PCDHA3: variants seen among roughly 807,000 people sequenced by gnomAD.
PCDHA3 encodes the protein protocadherin alpha-3.
In PCDHA3, 41 loss-of-function variants were observed where a neutral mutation model predicts 62.2. The ratio of observed to expected loss-of-function variants is 0.66; its 90% confidence interval spans 0.51 to 0.86. PCDHA3 has a LOEUF of 0.86. PCDHA3 is among the 40% of genes least tolerant of loss of function. PCDHA3 has a pLI of 0.00. For synonymous variants in PCDHA3, 640 were observed against 555.4 expected (o/e 1.15, Z -2.14); for missense variants, 1,304 against 1,241.2 (o/e 1.05, Z -0.76).
intron 1 of PCDHA3, chr5:140,835,818 G>A: frequency 6.2e-7 from 1 of 1,612,692 alleles, no homozygotes; most frequent in Non-Finnish European, 8.5e-7. Flanking sequence ...CACTGTGTCG[G>A]CGGGGGACGC....
In PCDHA3 at chr5:140,841,946, C is replaced by T. The variant is rs2150326253; in HGVS notation, c.2394+38355C>T. 2.0e-5 allele frequency: 32 copies of T among 1,613,790 alleles called. No homozygotes were observed. The Admixed American group carries it at 5.3e-4, about 27-fold the overall frequency. Reference sequence around the variant, plus strand: ...GGACAGAGAGGACGCTCCTGCGCACCACTTATTCCTGACAGCCACAGATGG... The same window carrying T: ...GGACAGAGAGGACGCTCCTGCGCACTACTTATTCCTGACAGCCACAGATGG... On this transcript the variant is annotated intron_variant, in intron 1 of 3. Transcript: ENST00000522353.
chr5:140,876,127 A>G lies in PCDHA3; in HGVS notation c.2394+72536A>G, dbSNP rs782626047. 2.5e-6 allele frequency: 4 copies of G among 1,613,984 alleles called. No homozygotes were observed. The South Asian group carries it at 3.3e-5, about 13-fold the overall frequency. ...ATTGCTGATGGTAATCGATGGCGGTAAACCAGAACTAACAGGGTCTGTCCA... is the reference window on the plus strand; with the variant it reads ...ATTGCTGATGGTAATCGATGGCGGTGAACCAGAACTAACAGGGTCTGTCCA... On this transcript the variant is annotated intron_variant, in intron 1 of 3. Coordinates refer to ENST00000522353, the MANE Select transcript of PCDHA3 (RefSeq NM_018906.3).
At chr5:140,977,301 G>T (rs1478869150) in intron 1 of PCDHA3, among the ~76,000 whole-genome samples, 1 of 152,208 alleles carries the variant, frequency 6.6e-6, no homozygotes, top group Non-Finnish European at 1.5e-5. Context: ...CAGCTGACAA[G>T]CTAACGATAG....
At chr5:140,928,292 T>G in intron 1 of PCDHA3, 1 of 1,614,086 alleles carries the variant, frequency 6.2e-7, no homozygotes, top group Middle Eastern at 1.6e-4. Flanking sequence ...CTAGGCCGAG[T>G]GTTTGCCCAG....
Position 140,803,401 on chromosome 5 carries a change from G to C in PCDHA3, c.2204G>C (p.Gly735Ala), listed in dbSNP as rs782279690. 6.2e-7 allele frequency: 1 copy of C among 1,614,224 alleles called. No individual in the cohort carries two copies. Among genetic ancestry groups the C allele is most frequent in the South Asian group, 1.1e-5 (1 of 91,078 alleles). Residue 735 changes from glycine (G) to alanine (A), a missense_variant, in exon 1 of 4, where the codon GGC becomes GCC. Physicochemically the swap from Gly to Ala is moderately conservative, Grantham distance 60 (BLOSUM62 0). Transcript: ENST00000522353. The stretch of plus-strand genomic sequence containing the variant: ...CCAACCGAAGGCGACTGTGGGCCGG[G>C]CAAGCCCACGCTGGTGTGCTCCAGC... ...APPTEGDCGP[G>A]KPTLVCSSAV...
chr5:140,952,923 C>T (rs1554220692), intron 1 of PCDHA3, among the ~76,000 whole-genome samples: 1 of 151,990 alleles, frequency 6.6e-6, no homozygotes, highest in East Asian at 1.9e-4. Context: ...ATGGCATGAG[C>T]AGGAGCAGGA....
At chr5:140,892,758 A>G (rs936927643) in intron 1 of PCDHA3, among the ~76,000 whole-genome samples, 2 of 152,210 alleles carry the variant, frequency 1.3e-5, no homozygotes, top group Non-Finnish European at 2.9e-5. Flanking sequence ...AACATTTAAA[A>G]TCCACTCTTC....
chr5:140,904,139 A>C (rs557435150), intron 1 of PCDHA3, among the ~76,000 whole-genome samples: 10 of 152,286 alleles, frequency 6.6e-5, no homozygotes, highest in African/African-American at 2.2e-4. Flanking sequence ...TCACCCGAGC[A>C]GTATACATTG....
chr5:140,839,620 G>T (rs1299548975), intron 1 of PCDHA3, among the ~76,000 whole-genome samples: 2 of 151,980 alleles, frequency 1.3e-5, no homozygotes, highest in Non-Finnish European at 2.9e-5. Flanking sequence ...AAACTCCTGA[G>T]ATATCGAGAA....
Position 140,801,974 on chromosome 5 carries a change from C to G in PCDHA3, c.777C>G (p.Thr259=). 6.2e-7 allele frequency: 1 copy of G among 1,614,146 alleles called. No individual in the cohort carries two copies. The highest frequency in any genetic ancestry group is 8.5e-7 in the Non-Finnish European group (1 of 1,180,048). ...VRLLENAPNG[T]LVVTVNATDL... is the part of the protein sequence containing the mutation. ...TACTCGAAAATGCACCAAATGGTACCCTAGTGGTGACCGTTAACGCCACCG... is the reference window on the plus strand; with the variant it reads ...TACTCGAAAATGCACCAAATGGTACGCTAGTGGTGACCGTTAACGCCACCG... Residue 259 remains threonine, a synonymous_variant, in exon 1 of 4, where the codon ACC becomes ACG. Coordinates refer to ENST00000522353, the MANE Select transcript of PCDHA3 (RefSeq NM_018906.3).
At chr5:140,896,099 C>T (rs1395621401) in intron 1 of PCDHA3, among the ~76,000 whole-genome samples, 1 of 152,236 alleles carries the variant, frequency 6.6e-6, no homozygotes, top group Non-Finnish European at 1.5e-5. Context: ...GCGTGAGCCA[C>T]TGTGCCTGGC....
intron 1 of PCDHA3, among the ~76,000 whole-genome samples, chr5:140,878,731 A>T (rs1037542413): frequency 1.3e-5 from 2 of 152,252 alleles, no homozygotes; most frequent in Admixed American, 6.5e-5. Context: ...TTCCAGCCTT[A>T]TATCTACTTT....
At chr5:140,927,714 C>G (rs111315855) in intron 1 of PCDHA3, 1 of 1,614,198 alleles carries the variant, frequency 6.2e-7, no homozygotes. Flanking sequence ...CCCTAAGCAA[C>G]AGCACGCAAG....
chr5:140,877,458 G>C, intron 1 of PCDHA3: 1 of 1,613,814 alleles, frequency 6.2e-7, no homozygotes, highest in Non-Finnish European at 8.5e-7. Context: ...TGACGTCCAC[G>C]GCCACGGTGC....
intron 1 of PCDHA3, chr5:140,860,659 T>C (rs1310065546): frequency 1.3e-5 from 2 of 152,224 alleles, no homozygotes; most frequent in Non-Finnish European, 2.9e-5. Context: ...AGTGAAATAA[T>C]ATGAAATCAA....
chr5:140,853,887 A>T lies in PCDHA3; in HGVS notation c.2394+50296A>T, dbSNP rs945674058. ...TGACAGTGCAAGTTTCTGTAATTTAAAAAGATGTGGTGGCCTGACACCTGC... is the reference window on the plus strand; with the variant it reads ...TGACAGTGCAAGTTTCTGTAATTTATAAAGATGTGGTGGCCTGACACCTGC... On this transcript the variant is annotated intron_variant, in intron 1 of 3. Transcript: ENST00000522353. 4 of 979,374 alleles carry T rather than the reference A, an allele frequency of 4.1e-6. 1 individual carries two copies. The Admixed American group carries it at 1.9e-4, about 46-fold the overall frequency. 60.7% of individuals were successfully genotyped at this position (979,374 alleles called of 1,614,324 possible).
rs185281311 is a variant in PCDHA3 at position 140,896,058 on chromosome 5, G to A, written c.2395-82891G>A. The stretch of plus-strand genomic sequence containing the variant: ...ACTCCTGACCTCAGGTGATCCGCCT[G>A]CCTCGGCCTCCCAACATGCTGGGAT... On this transcript the variant is annotated intron_variant, in intron 1 of 3. Coordinates refer to ENST00000522353, the MANE Select transcript of PCDHA3 (RefSeq NM_018906.3). 4.1e-3 allele frequency among the ~76,000 whole-genome samples: 624 copies of A among 152,238 alleles called. 2 individuals carry two copies. The highest frequency in any genetic ancestry group is 6.8e-3 in the Middle Eastern group (2 of 294).
intron 1 of PCDHA3, chr5:140,870,890 T>C: frequency 6.2e-7 from 1 of 1,613,954 alleles, no homozygotes; most frequent in Non-Finnish European, 8.5e-7. Flanking sequence ...GTGCGCGCAG[T>C]GGATGCGGAC....
At chr5:140,976,782 A>G (rs1209900673) in intron 1 of PCDHA3, among the ~76,000 whole-genome samples, 1 of 152,212 alleles carries the variant, frequency 6.6e-6, no homozygotes, top group African/African-American at 2.4e-5. Flanking sequence ...CTGACTATAT[A>G]GCTACGCTTT....
Sources: allele counts gnomAD v4.1 joint callset (sites outside exome capture counted in the v4.1 genomes callset), GRCh38; gene constraint gnomAD v4.1.1; transcripts MANE v1.5; gene names NCBI Gene and HGNC (gene_info 2026-07-23, HGNC 2026-07-21).